The following PRKCQ variants were observed in gnomAD, a reference collection of about 807,000 sequenced individuals.
PRKCQ encodes the protein protein kinase C theta, also known as protein kinase C theta type.
Under a neutral mutation model 91.2 loss-of-function variants are expected in PRKCQ, and 41 were observed. The ratio of observed to expected loss-of-function variants is 0.45; its 90% CI spans 0.35 to 0.58. The LOEUF (loss-of-function observed/expected upper bound fraction) is 0.58, where lower values mean the gene tolerates loss of function less well. Among genes scored for constraint, PRKCQ ranks in the 20% least tolerant of loss-of-function variants. PRKCQ has a pLI of 0.00. For synonymous variants in PRKCQ, 307 were observed against 316.9 expected (o/e 0.97, Z 0.33); for missense variants, 673 against 896.5 (o/e 0.75, Z 3.18).
chr10:6,498,656 G>GGAGGAC (rs1837748598), intron 4 of PRKCQ, 98 bp from the exon 5 acceptor site: 1 of 1,221,778 alleles, frequency 8.2e-7, no homozygotes, highest in Non-Finnish European at 1.2e-6. Flanking sequence ...AAGGGATGGA[G>GGAGGAC]GAGGACCAGC....
intron 7 of PRKCQ, among the ~76,000 whole-genome samples, chr10:6,492,873 T>C (rs1805310055): frequency 6.6e-6 from 1 of 152,214 alleles, no homozygotes; most frequent in African/African-American, 2.4e-5. Flanking sequence ...AAAGATGCCT[T>C]ATTCATCAGC....
intron 1 of PRKCQ, among the ~76,000 whole-genome samples, chr10:6,523,682 A>G (rs1042214529): frequency 6.6e-6 from 1 of 152,206 alleles, no homozygotes; most frequent in Non-Finnish European, 1.5e-5. Flanking sequence ...CTTGAAATAT[A>G]GAAAATAAAA....
intron 1 of PRKCQ, among the ~76,000 whole-genome samples, chr10:6,529,228 A>G (rs1436592395): frequency 1.3e-5 from 2 of 152,234 alleles, no homozygotes; most frequent in African/African-American, 4.8e-5. Context: ...CCTCCCTGGC[A>G]TCATTTTCTA....
chr10:6,569,447 G>C (rs1554785600), intron 1 of PRKCQ, among the ~76,000 whole-genome samples: 1 of 152,110 alleles, frequency 6.6e-6, no homozygotes, highest in Non-Finnish European at 1.5e-5. Context: ...GAGAGGAAAG[G>C]AGTAGAACCT....
Position 6,463,741 on chromosome 10 carries a change from G to A in PRKCQ, c.1445+572C>T, listed in dbSNP as rs117157434. On this transcript the variant is annotated intron_variant, in intron 13 of 17. Transcript: ENST00000263125. The stretch of plus-strand genomic sequence containing the variant: ...AGCTTTCTTTTACTTGCATGTCATG[G>A]GGAGCAGGAAGTGGGACCCAAAGGG... Among the ~76,000 whole-genome samples the A allele has an allele frequency of 9.7e-4, 148 of 152,272 alleles. No individual in the cohort carries two copies. The East Asian group carries it at 0.025, about 26-fold the overall frequency.
chr10:6,449,046 G>A (rs375880686), intron 15 of PRKCQ, among the ~76,000 whole-genome samples: 4 of 152,156 alleles, frequency 2.6e-5, no homozygotes, highest in Admixed American at 6.5e-5. Context: ...CCAAAGGAAC[G>A]CAGTTCCTCA....
rs909966581 is a variant in PRKCQ at position 6,497,911 on chromosome 10, A to T, written c.542+485T>A. ...AGTTATTTCAAGTCTCCACTCTGTC[A>T]TAGCCTTTGCTATGTGGTTACTGAG... On this transcript the variant is annotated intron_variant, in intron 5 of 17. Coordinates refer to ENST00000263125, the MANE Select transcript of PRKCQ (RefSeq NM_006257.5). This position sits in a 1 kb window ranked among gnomAD's most constrained non-coding sequence, Gnocchi z 4.5. Among the ~76,000 whole-genome samples, 1 of 152,230 alleles carries T rather than the reference A, an allele frequency of 6.6e-6. No homozygotes were observed. Among genetic ancestry groups the T allele is most frequent in the African/African-American group, 2.4e-5 (1 of 41,462 alleles).
At chr10:6,577,357 A>G (rs1312756874) in intron 1 of PRKCQ, among the ~76,000 whole-genome samples, 1 of 152,188 alleles carries the variant, frequency 6.6e-6, no homozygotes, top group East Asian at 1.9e-4. Flanking sequence ...TCAACATCAC[A>G]TTTTTCTATA....
chr10:6,543,623 G>A (rs1357258279), intron 1 of PRKCQ, among the ~76,000 whole-genome samples: 2 of 152,184 alleles, frequency 1.3e-5, no homozygotes, highest in African/African-American at 4.8e-5. Flanking sequence ...TCCAGATGCT[G>A]AAACACTGTC....
intron 3 of PRKCQ, among the ~76,000 whole-genome samples, chr10:6,509,910 C>T (rs1429930947): frequency 6.6e-6 from 1 of 152,126 alleles, no homozygotes; most frequent in Non-Finnish European, 1.5e-5. Context: ...GTCAAAAATA[C>T]AAAACTGACA....
chr10:6,557,838 C>A (rs1010334953), intron 1 of PRKCQ, among the ~76,000 whole-genome samples: 1 of 152,164 alleles, frequency 6.6e-6, no homozygotes, highest in Non-Finnish European at 1.5e-5. Context: ...ACTGAGTCTT[C>A]CAAGCTAGAA....
rs191365561 is a variant in PRKCQ, at chr10:6,465,149, C to T, written c.1354-745G>A. Among the ~76,000 whole-genome samples the T allele has an allele frequency of 1.7e-3, 261 of 152,330 alleles. 1 individual carries two copies. Among genetic ancestry groups the T allele is most frequent in the African/African-American group, 5.6e-3 (232 of 41,588 alleles). ...AGGGCGGAGCTTGAAAACATTCATT[C>T]ACTCAACACTCAGTAATTAGCTACT... On this transcript the variant is annotated intron_variant, in intron 12 of 17. Coordinates refer to ENST00000263125, the MANE Select transcript of PRKCQ (RefSeq NM_006257.5). The surrounding 1 kb of genome is among the most constrained non-coding windows in gnomAD (Gnocchi z 4.4).
chr10:6,515,625 C>T (rs1375922200), intron 1 of PRKCQ: 1 of 616,360 alleles, frequency 1.6e-6, no homozygotes, highest in East Asian at 1.4e-4. Context: ...TGGGATTGGC[C>T]CAAGGCATTC....
chr10:6,434,739 C>T (rs1833614389), intron 16 of PRKCQ, among the ~76,000 whole-genome samples: 1 of 152,254 alleles, frequency 6.6e-6, no homozygotes, highest in South Asian at 2.1e-4. Context: ...CTGCAGAGGA[C>T]AGCCAGCAGT....
the PRKCQ span, among the ~76,000 whole-genome samples, chr10:6,417,452 C>T: frequency 0.92 from 140,139 of 152,286 alleles, 64,611 homozygotes; most frequent in Non-Finnish European, 0.94. Context: ...CTTTTCTTCT[C>T]TAGATTTTAC....
At chr10:6,417,242 T>C in the PRKCQ span, among the ~76,000 whole-genome samples, 573 of 152,314 alleles carry the variant, frequency 3.8e-3, no homozygotes, top group Non-Finnish European at 6.6e-3. Context: ...GTTGGGTGGA[T>C]GTCATCAGTT....
At chr10:6,519,656 A>G (rs1022218171) in intron 1 of PRKCQ, among the ~76,000 whole-genome samples, 2 of 152,186 alleles carry the variant, frequency 1.3e-5, no homozygotes, top group Non-Finnish European at 2.9e-5. Context: ...GGTGCTGCAC[A>G]CTAAATGTCA....
intron 15 of PRKCQ, among the ~76,000 whole-genome samples, chr10:6,444,432 A>G (rs1834135558): frequency 6.6e-6 from 1 of 152,070 alleles, no homozygotes; most frequent in South Asian, 2.1e-4. Flanking sequence ...TTTTCCCACA[A>G]TTAAAAACAA....
intron 12 of PRKCQ, among the ~76,000 whole-genome samples, chr10:6,475,249 T>C (rs559948635): frequency 6.6e-6 from 1 of 152,280 alleles, no homozygotes; most frequent in Non-Finnish European, 1.5e-5. Flanking sequence ...GGGCCCCTGG[T>C]TTTACAGCTC....
Sources: allele counts gnomAD v4.1 joint callset (sites outside exome capture counted in the v4.1 genomes callset), GRCh38; gene constraint gnomAD v4.1.1; non-coding constraint Gnocchi (gnomAD v3.1); transcripts MANE v1.5; gene names NCBI Gene and HGNC (gene_info 2026-07-23, HGNC 2026-07-21).